Variants in SLC2A5 observed in about 807,000 individuals in gnomAD.
SLC2A5 encodes the protein solute carrier family 2 member 5.
SLC2A5 carries 56 observed loss-of-function variants against 50.3 expected under a neutral mutation model. That is an observed-to-expected ratio of 1.11 (90% CI 0.90 to 1.39). The LOEUF (loss-of-function observed/expected upper bound fraction) is 1.39, where lower values mean the gene tolerates loss of function less well. Ranked by LOEUF, SLC2A5 falls within the 40% of genes most tolerant of loss-of-function variation. The pLI is 0.00. For missense variants in SLC2A5, 566 were observed against 650.1 expected, an observed-to-expected ratio of 0.87 and a Z score of 1.41; for synonymous variants, 269 against 281.9, an observed-to-expected ratio of 0.95 and a Z score of 0.46.
chr1:9,061,435 T>A (rs1342455391), intron 1 of SLC2A5, among the ~76,000 whole-genome samples: 1 of 110,510 alleles, frequency 9.0e-6, no homozygotes, highest in Non-Finnish European at 1.9e-5. Flanking sequence ...AAATCCTGTC[T>A]CTACCAAAAA....
Position 9,042,530 on chromosome 1 carries a change from G to GGT in SLC2A5, c.419-595_419-594dup, listed in dbSNP as rs141094729. ...GTGTATGTGTATATGGACATGGCCT[G>GGT]GTGTGTGTGTGTGTGTGTATATATA... On this transcript the variant is annotated intron_variant, in intron 4 of 11. Coordinates refer to ENST00000377424, the MANE Select transcript of SLC2A5 (RefSeq NM_003039.3). Among the ~76,000 whole-genome samples the GGT allele has an allele frequency of 8.2e-3, 1,212 of 147,140 alleles. 12 individuals carry two copies. Among genetic ancestry groups the GGT allele is most frequent in the Middle Eastern group, 0.014 (4 of 284 alleles).
chr1:9,037,288 C>T lies in SLC2A5; in HGVS notation c.*298G>A, dbSNP rs1041635913. ...AGGAGCCACACAAAGGTTGACCCAT[C>T]AAGGTGGAGCCACGTTACCAGGAGC... On this transcript the variant is annotated 3_prime_UTR_variant, in exon 12 of 12. Transcript: ENST00000377424. 1.0e-5 allele frequency: 4 copies of T among 382,992 alleles called. No individual in the cohort carries two copies. Among genetic ancestry groups the T allele is most frequent in the African/African-American group, 6.1e-5 (3 of 48,784 alleles). 23.7% of individuals were successfully genotyped at this position (382,992 alleles called of 1,614,324 possible). A position where few individuals can be genotyped will look rare whatever the true frequency, so the allele number is the denominator to read the frequency against.
At position 9,035,681 on chromosome 1, in the gene SLC2A5, GCTCT is replaced by G. The variant is rs1458409016; in HGVS notation, c.*1901_*1904del. 2 of 152,138 alleles carry G rather than the reference GCTCT, an allele frequency of 1.3e-5. No individual in the cohort carries two copies. Among genetic ancestry groups the G allele is most frequent in the East Asian group, 3.8e-4 (2 of 5,206 alleles). 9.4% of individuals were successfully genotyped at this position (152,138 alleles called of 1,614,324 possible). ...TTCATATCTCTAAGAAAAACCTCCA[GCTCT>G]CTATATTTTTGGGGAGAGACCTGTG... is the stretch of plus-strand genomic sequence containing the variant. On this transcript the variant is annotated 3_prime_UTR_variant, in exon 12 of 12. Transcript: ENST00000377424.
chr1:9,039,143 C>T (rs1360841273), intron 8 of SLC2A5, among the ~76,000 whole-genome samples: 5 of 152,276 alleles, frequency 3.3e-5, no homozygotes, highest in Non-Finnish European at 2.9e-5. Flanking sequence ...ACCCTTGAGA[C>T]TCAGCTCTAG....
rs780663393 is a variant in SLC2A5, at chr1:9,058,191, C to T, written c.93G>A (p.Gln31=). The T allele has an allele frequency of 1.2e-6, 2 of 1,614,148 alleles. No homozygotes were observed. The highest frequency in any genetic ancestry group is 1.7e-6 in the Non-Finnish European group (2 of 1,179,990). Residue 31 remains glutamine (Q), a synonymous_variant, in exon 2 of 12, where the codon CAG becomes CAA. Transcript: ENST00000377424. ...TLIAAFGSSF[Q]YGYNVAAVNS... Reference sequence around the variant, plus strand: ...TGACAGCAGCCACGTTGTACCCATACTGGAAGGATGACCCAAAGGCAGCTA... The same window carrying T: ...TGACAGCAGCCACGTTGTACCCATATTGGAAGGATGACCCAAAGGCAGCTA...
At chr1:9,061,628 T>G (rs765615) in intron 1 of SLC2A5, among the ~76,000 whole-genome samples, 1 of 150,804 alleles carries the variant, frequency 6.6e-6, no homozygotes, top group Non-Finnish European at 1.5e-5. Context: ...AATTCTTTTC[T>G]AATTCTCTTC....
At chr1:9,081,902 C>G (rs562207651) in intron 2 of SLC2A5, among the ~76,000 whole-genome samples, 3 of 152,092 alleles carry the variant, frequency 2.0e-5, no homozygotes, top group African/African-American at 7.2e-5. Context: ...AACAACATGG[C>G]AAAACCCCAC....
At chr1:9,047,510 CA>C in intron 4 of SLC2A5, 99 bp downstream of exon 4, 1 of 1,285,184 alleles carries the variant, frequency 7.8e-7, no homozygotes, top group Non-Finnish European at 1.1e-6. Flanking sequence ...ACGCTTTCTA[CA>C]CGCTTCAGAC....
intron 10 of SLC2A5, 97 bp downstream of exon 10, chr1:9,038,334 T>C: frequency 2.3e-6 from 2 of 886,238 alleles, no homozygotes; most frequent in East Asian, 2.5e-5. Flanking sequence ...ATTTCCAGGC[T>C]GCATTGGCCA....
chr1:9,059,334 G>A (rs914624801), intron 1 of SLC2A5, among the ~76,000 whole-genome samples: 8 of 150,646 alleles, frequency 5.3e-5, no homozygotes, highest in Admixed American at 1.3e-4. Flanking sequence ...TAGTAGAGAC[G>A]GGGTTTCACT....
chr1:9,088,967 C>T (rs1042247437), upstream of SLC2A5, among the ~76,000 whole-genome samples: 2 of 152,192 alleles, frequency 1.3e-5, no homozygotes, highest in African/African-American at 2.4e-5. Context: ...CTCTCATTAT[C>T]GCAAGAAATT....
intron 1 of SLC2A5, among the ~76,000 whole-genome samples, chr1:9,059,510 C>G (rs1311081110): frequency 6.8e-6 from 1 of 147,846 alleles, no homozygotes; most frequent in African/African-American, 2.5e-5. Flanking sequence ...AAGCACTATC[C>G]CACGGTATCT....
intron 2 of SLC2A5, among the ~76,000 whole-genome samples, chr1:9,078,319 C>T (rs1642315235): frequency 6.6e-6 from 1 of 152,116 alleles, no homozygotes; most frequent in South Asian, 2.1e-4. Context: ...TTTTTGTGAC[C>T]TTGTGCTGAC....
intron 3 of SLC2A5, among the ~76,000 whole-genome samples, chr1:9,053,534 TA>T (rs1641678258): frequency 1.1e-5 from 1 of 90,768 alleles, no homozygotes; most frequent in African/African-American, 3.8e-5. Context: ...ATTTATATAT[TA>T]ATATATATTA....
chr1:9,078,445 C>T (rs1642317075), intron 2 of SLC2A5, among the ~76,000 whole-genome samples: 1 of 152,128 alleles, frequency 6.6e-6, no homozygotes, highest in African/African-American at 2.4e-5. Context: ...GGTTCCAATG[C>T]CTCTGACAGG....
chr1:9,057,889 C>G (rs74595111), intron 2 of SLC2A5, among the ~76,000 whole-genome samples: 2 of 152,140 alleles, frequency 1.3e-5, no homozygotes, highest in African/African-American at 4.8e-5. Context: ...CCTGGCCCCC[C>G]CGGATTCCCT....
intron 2 of SLC2A5, among the ~76,000 whole-genome samples, chr1:9,078,365 C>G (rs1181767930): frequency 6.6e-6 from 1 of 152,110 alleles, no homozygotes; most frequent in Non-Finnish European, 1.5e-5. Flanking sequence ...ATGCCTAAAC[C>G]TCCTGGGAAT....
In SLC2A5 at chr1:9,040,206, G is replaced by T; in HGVS notation, c.572-17C>A. 1 of 1,544,740 alleles carries T rather than the reference G, an allele frequency of 6.5e-7. No individual in the cohort carries two copies. The highest frequency in any genetic ancestry group is 8.7e-7 in the Non-Finnish European group (1 of 1,146,436). ...TCGGCCAGCCTGGGAGGAAGGCAGC[G>T]AGCTGGCACCAGCGGCCTCCCCACC... On this transcript the variant is annotated splice_polypyrimidine_tract_variant and intron_variant, in intron 5 of 11. Coordinates refer to ENST00000377424, the MANE Select transcript of SLC2A5 (RefSeq NM_003039.3). The surrounding 1 kb of genome is among the most constrained non-coding windows in gnomAD (Gnocchi z 4.3).
upstream of SLC2A5, among the ~76,000 whole-genome samples, chr1:9,090,965 A>G (rs1284830390): frequency 6.6e-6 from 1 of 152,254 alleles, no homozygotes; most frequent in Non-Finnish European, 1.5e-5. Flanking sequence ...GAAAGGCCCA[A>G]TTAACATCTC....
Sources: gnomAD v4.1 joint callset for allele counts (sites outside exome capture counted in the v4.1 genomes callset) on GRCh38, gnomAD v4.1.1 for gene constraint, Gnocchi (gnomAD v3.1) non-coding constraint, MANE v1.5 for transcripts, NCBI Gene and HGNC (gene_info 2026-07-23, HGNC 2026-07-21) for gene names.